The following TTC28 variants were observed in gnomAD, a reference collection of about 807,000 sequenced individuals.
TTC28 encodes tetratricopeptide repeat protein 28.
Under a neutral mutation model 198.0 loss-of-function variants are expected in TTC28, and 61 were observed. The ratio of observed to expected loss-of-function variants is 0.31; its 90% CI spans 0.25 to 0.38. The LOEUF (loss-of-function observed/expected upper bound fraction) is 0.38. TTC28 is among the 10% of genes least tolerant of loss of function. The pLI, the probability that TTC28 is intolerant of heterozygous loss-of-function variation, is 1.00. For synonymous variants in TTC28, 1,171 were observed against 1,297.8 expected (o/e 0.90, Z 2.10); for missense variants, 2,678 against 3,164.0 (o/e 0.85, Z 3.69).
At chr22:28,587,591 C>T (rs1157035647) in intron 2 of TTC28, among the ~76,000 whole-genome samples, 1 of 151,792 alleles carries the variant, frequency 6.6e-6, no homozygotes, top group African/African-American at 2.4e-5. Flanking sequence ...AGACTATAGT[C>T]GTACACCACC....
At chr22:28,403,692 A>G (rs557414242) in intron 2 of TTC28, among the ~76,000 whole-genome samples, 75 of 152,328 alleles carry the variant, frequency 4.9e-4, no homozygotes, top group Middle Eastern at 3.4e-3. Context: ...TGTAAATGAT[A>G]GTATCCTGTC....
At chr22:28,191,814 A>T (rs1924799250) in intron 5 of TTC28, among the ~76,000 whole-genome samples, 1 of 152,208 alleles carries the variant, frequency 6.6e-6, no homozygotes, top group Admixed American at 6.5e-5. Flanking sequence ...GGTGGAGCCC[A>T]CTGCAGCTCA....
intron 2 of TTC28, among the ~76,000 whole-genome samples, chr22:28,454,403 C>G (rs1055997827): frequency 6.6e-6 from 1 of 152,062 alleles, no homozygotes; most frequent in Non-Finnish European, 1.5e-5. Flanking sequence ...TTTCCTTTTG[C>G]AATAAAATGT....
At chr22:28,116,248 C>T (rs1406094450) in intron 6 of TTC28, among the ~76,000 whole-genome samples, 10 of 152,204 alleles carry the variant, frequency 6.6e-5, no homozygotes, top group Non-Finnish European at 1.5e-4. Flanking sequence ...CTTCCCACTT[C>T]CCTTGGATAC....
chr22:28,574,353 T>TTGTG (rs145439302), intron 2 of TTC28, among the ~76,000 whole-genome samples: 156 of 148,728 alleles, frequency 1.0e-3, no homozygotes, highest in East Asian at 3.2e-3. Context: ...ACTCCACTGT[T>TTGTG]TGTGTGTGTG....
At chr22:28,391,937 G>A (rs542501648) in intron 2 of TTC28, among the ~76,000 whole-genome samples, 3 of 152,156 alleles carry the variant, frequency 2.0e-5, no homozygotes, top group South Asian at 4.1e-4. Flanking sequence ...AGAGTTTTCA[G>A]TTTTTCTGCT....
At position 28,389,044 on chromosome 22, in the gene TTC28, A is replaced by G. The variant is rs1223897660; in HGVS notation, c.382-82401T>C. 5.3e-5 allele frequency among the ~76,000 whole-genome samples: 8 copies of G among 152,140 alleles called. 1 individual carries two copies. In the South Asian group the frequency reaches 1.7e-3, roughly 32 times the overall value. ...AATACCTAATTTATTGAGAGTTTTT[A>G]GCATGAAGGGTTGTTGAATTTTGTC... On this transcript the variant is annotated intron_variant, in intron 2 of 22. Transcript: ENST00000397906.
At chr22:28,394,222 C>T (rs1254765150) in intron 2 of TTC28, among the ~76,000 whole-genome samples, 1 of 152,002 alleles carries the variant, frequency 6.6e-6, no homozygotes. Flanking sequence ...TGGTCTGCAC[C>T]CAACCCTATT....
intron 2 of TTC28, among the ~76,000 whole-genome samples, chr22:28,548,816 C>T (rs1179548762): frequency 6.6e-6 from 1 of 152,214 alleles, no homozygotes; most frequent in Non-Finnish European, 1.5e-5. Flanking sequence ...CCATGACAGT[C>T]ATGATGTTCC....
chr22:28,294,024 A>G (rs553819680), intron 5 of TTC28, among the ~76,000 whole-genome samples: 31 of 152,338 alleles, frequency 2.0e-4, no homozygotes, highest in African/African-American at 6.7e-4. Flanking sequence ...AAGCTTAGAA[A>G]AGGAATGTGG....
chr22:28,099,101 TAC>T, intron 9 of TTC28, 57 bp from the exon 10 acceptor site: 2 of 1,544,766 alleles, frequency 1.3e-6, no homozygotes, highest in Non-Finnish European at 8.7e-7. Flanking sequence ...TCCAGCTGTT[TAC>T]AGACTAGAGA....
chr22:28,256,546 CATT>C (rs1376716432), intron 5 of TTC28, among the ~76,000 whole-genome samples: 1 of 151,382 alleles, frequency 6.6e-6, no homozygotes, highest in Non-Finnish European at 1.5e-5. Context: ...ATGTCAATGA[CATT>C]ATTCACAGAA....
intron 2 of TTC28, among the ~76,000 whole-genome samples, chr22:28,499,656 C>T (rs1000484824): frequency 2.6e-5 from 4 of 152,134 alleles, no homozygotes; most frequent in Admixed American, 6.5e-5. Flanking sequence ...TTCACTGCTT[C>T]TGTCTTGAAA....
chr22:28,464,265 T>C (rs1387965131), intron 2 of TTC28, among the ~76,000 whole-genome samples: 1 of 152,204 alleles, frequency 6.6e-6, no homozygotes, highest in African/African-American at 2.4e-5. Context: ...GACTTTGAAC[T>C]GGATGTGATA....
intron 1 of TTC28, among the ~76,000 whole-genome samples, chr22:28,672,762 T>C (rs2051910194): frequency 2.6e-5 from 4 of 152,046 alleles, no homozygotes; most frequent in Admixed American, 2.0e-4. Flanking sequence ...AACTGGAGAG[T>C]AGAACAGAAA....
At chr22:28,584,465 A>G (rs1262572294) in intron 2 of TTC28, among the ~76,000 whole-genome samples, 1 of 152,114 alleles carries the variant, frequency 6.6e-6, no homozygotes, top group African/African-American at 2.4e-5. Flanking sequence ...GATATCTTGG[A>G]TCCATATCAG....
At chr22:28,197,662 C>T (rs1043198757) in intron 5 of TTC28, among the ~76,000 whole-genome samples, 3 of 151,810 alleles carry the variant, frequency 2.0e-5, no homozygotes, top group African/African-American at 7.2e-5. Context: ...AATTAAATGG[C>T]AAAAAAATTT....
At chr22:28,076,680 G>A (rs1941180569) in intron 12 of TTC28, among the ~76,000 whole-genome samples, 1 of 152,146 alleles carries the variant, frequency 6.6e-6, no homozygotes, top group Non-Finnish European at 1.5e-5. Context: ...GGGATCAAGT[G>A]ACCCTCCCAC....
At chr22:28,486,772 T>C (rs1162580166) in intron 2 of TTC28, among the ~76,000 whole-genome samples, 1 of 152,164 alleles carries the variant, frequency 6.6e-6, no homozygotes, top group Admixed American at 6.5e-5. Flanking sequence ...TTTAATCTCT[T>C]GCAACTCCAT....
Sources: allele counts gnomAD v4.1 joint callset (sites outside exome capture counted in the v4.1 genomes callset), GRCh38; gene constraint gnomAD v4.1.1; transcripts MANE v1.5; gene names NCBI Gene and HGNC (gene_info 2026-07-23, HGNC 2026-07-21).